ARHGEF28: variants seen among roughly 807,000 people sequenced by gnomAD.
ARHGEF28 encodes the protein Rho guanine nucleotide exchange factor 28, also known as 190 kDa guanine nucleotide exchange factor.
Under a neutral mutation model 206.6 loss-of-function variants are expected in ARHGEF28, and 152 were observed. The ratio of observed to expected loss-of-function variants is 0.74; its 90% CI spans 0.64 to 0.84. The LOEUF is 0.84. ARHGEF28 is among the 40% of genes least tolerant of loss of function. The probability of loss-of-function intolerance (pLI) is 0.00; values close to 1 mark genes in which losing one functional copy is unlikely to be tolerated. For synonymous variants in ARHGEF28, 763 were observed against 776.4 expected (o/e 0.98, Z 0.29); for missense variants, 2,028 against 2,073.2 (o/e 0.98, Z 0.42).
At chr5:73,742,485 A>G (rs1751489768) in intron 2 of ARHGEF28, among the ~76,000 whole-genome samples, 1 of 151,752 alleles carries the variant, frequency 6.6e-6, no homozygotes, top group Non-Finnish European at 1.5e-5. Context: ...TTTGGTGGCT[A>G]CTCTCAAGTC....
intron 1 of ARHGEF28, among the ~76,000 whole-genome samples, chr5:73,630,184 A>G (rs1399020791): frequency 6.6e-6 from 1 of 152,236 alleles, no homozygotes; most frequent in Non-Finnish European, 1.5e-5. Context: ...TGTATATATT[A>G]ATGACATTTA....
chr5:73,848,123 C>T (rs1758477217), intron 12 of ARHGEF28, among the ~76,000 whole-genome samples: 1 of 152,144 alleles, frequency 6.6e-6, no homozygotes, highest in South Asian at 2.1e-4. Flanking sequence ...CTTAAAAATG[C>T]ATGGGCAGGA....
At chr5:73,785,505 T>G (rs923365981) in intron 7 of ARHGEF28, among the ~76,000 whole-genome samples, 1 of 152,172 alleles carries the variant, frequency 6.6e-6, no homozygotes, top group Admixed American at 6.5e-5. Flanking sequence ...TTTTTCAAAC[T>G]GTTCACAGTG....
chr5:73,653,484 C>G (rs764022700), intron 1 of ARHGEF28, among the ~76,000 whole-genome samples: 2 of 152,150 alleles, frequency 1.3e-5, no homozygotes, highest in African/African-American at 4.8e-5. Flanking sequence ...CTCTTAACTT[C>G]GGGATGGAGA....
At chr5:73,652,607 CATGAGGAA>C in intron 1 of ARHGEF28, among the ~76,000 whole-genome samples, 1 of 152,270 alleles carries the variant, frequency 6.6e-6, no homozygotes, top group South Asian at 2.1e-4. Flanking sequence ...TTATGAGTGA[CATGAGGAA>C]AGTGGTTGAA....
intron 9 of ARHGEF28, among the ~76,000 whole-genome samples, chr5:73,827,558 G>C (rs1756988449): frequency 6.6e-6 from 1 of 152,146 alleles, no homozygotes. Context: ...CAAGCACAGA[G>C]AGCTTAAGTA....
intron 2 of ARHGEF28, among the ~76,000 whole-genome samples, chr5:73,742,931 T>A (rs1751525834): frequency 6.6e-6 from 1 of 152,150 alleles, no homozygotes; most frequent in Admixed American, 6.5e-5. Context: ...CACATTGTAG[T>A]TCTACAGATA....
At chr5:73,829,209 C>T (rs1401666212) in intron 9 of ARHGEF28, among the ~76,000 whole-genome samples, 3 of 152,184 alleles carry the variant, frequency 2.0e-5, no homozygotes, top group Non-Finnish European at 4.4e-5. Context: ...GACATTGAAT[C>T]ATAGAGTCAT....
chr5:73,812,963 G>C (rs1400694489), intron 9 of ARHGEF28, among the ~76,000 whole-genome samples: 1 of 152,138 alleles, frequency 6.6e-6, no homozygotes, highest in Non-Finnish European at 1.5e-5. Flanking sequence ...AGCTGTTTTG[G>C]TTCTTAGATC....
At chr5:73,718,037 C>A (rs1749697732) in intron 2 of ARHGEF28, among the ~76,000 whole-genome samples, 1 of 152,092 alleles carries the variant, frequency 6.6e-6, no homozygotes, top group African/African-American at 2.4e-5. Context: ...CACCACCATG[C>A]CCAGCTAATT....
At chr5:73,644,466 C>T (rs114902696) in intron 1 of ARHGEF28, among the ~76,000 whole-genome samples, 28 of 152,312 alleles carry the variant, frequency 1.8e-4, no homozygotes, top group Non-Finnish European at 3.2e-4. Flanking sequence ...GCTGTCAGCA[C>T]GAAGTTTCTA....
chr5:73,920,371 A>G (rs1055706193), intron 35 of ARHGEF28, among the ~76,000 whole-genome samples: 5 of 152,166 alleles, frequency 3.3e-5, no homozygotes, highest in Non-Finnish European at 7.3e-5. Flanking sequence ...TAAATTTATC[A>G]ATGTATAGTA....
At chr5:73,713,839 T>C (rs1462347512) in intron 2 of ARHGEF28, among the ~76,000 whole-genome samples, 1 of 152,216 alleles carries the variant, frequency 6.6e-6, no homozygotes. Flanking sequence ...AAGTATCCTT[T>C]TCTCTTATTT....
At position 73,658,666 on chromosome 5, in the gene ARHGEF28, T is replaced by TA. The variant is rs576564009; in HGVS notation, c.-11-26167dup. Among the ~76,000 whole-genome samples the TA allele has an allele frequency of 3.1e-3, 466 of 152,062 alleles. 4 individuals carry two copies. Among genetic ancestry groups the TA allele is most frequent in the Admixed American group, 6.1e-3 (93 of 15,274 alleles). ...ACTGAAAGCACCACTGTGGTTCTTT[T>TA]AAAAAAAATATTGCAGTTAGGTGTA... On this transcript the variant is annotated intron_variant, in intron 1 of 35. Coordinates refer to ENST00000513042, the MANE Select transcript of ARHGEF28 (RefSeq NM_001177693.2).
intron 16 of ARHGEF28, among the ~76,000 whole-genome samples, chr5:73,859,396 G>A (rs1759250616): frequency 1.3e-5 from 2 of 152,186 alleles, no homozygotes; most frequent in Admixed American, 6.5e-5. Flanking sequence ...AGGAGCAGGG[G>A]AAGTTTACCT....
In ARHGEF28 at chr5:73,909,690, G is replaced by C; in HGVS notation, c.4440G>C (p.Gln1480His). The change falls in exon 34 of 36, where the codon CAG becomes CAC. Residue 1480 changes from glutamine (Q) to histidine (H), a missense_variant. Physicochemically the swap from Gln to His is conservative, Grantham distance 24 (BLOSUM62 0). Transcript: ENST00000513042. Reference sequence around the variant, plus strand: ...TGCAGGAGCGGGAGCGGGAGTGCCAGTCGCAGGAGGAGCTGCTGCTGCGGA... The same window carrying C: ...TGCAGGAGCGGGAGCGGGAGTGCCACTCGCAGGAGGAGCTGCTGCTGCGGA... ...SWLQEREREC[Q>H]SQEELLLRSR... 6.5e-7 allele frequency: 1 copy of C among 1,535,810 alleles called. No homozygotes were observed. Among genetic ancestry groups the C allele is most frequent in the Non-Finnish European group, 8.8e-7 (1 of 1,139,800 alleles).
chr5:73,925,322 G>A (rs1052636418), intron 35 of ARHGEF28, among the ~76,000 whole-genome samples: 4 of 152,072 alleles, frequency 2.6e-5, no homozygotes, highest in East Asian at 3.9e-4. Flanking sequence ...GGAAGGCTAC[G>A]CACCCCCACA....
intron 1 of ARHGEF28, among the ~76,000 whole-genome samples, chr5:73,656,004 A>G (rs921628561): frequency 2.0e-5 from 3 of 152,198 alleles, no homozygotes; most frequent in Admixed American, 1.3e-4. Context: ...TTTGTTTCTA[A>G]GAACCAGTTT....
intron 2 of ARHGEF28, among the ~76,000 whole-genome samples, chr5:73,719,190 G>C (rs939943131): frequency 6.6e-6 from 1 of 152,006 alleles, no homozygotes; most frequent in Non-Finnish European, 1.5e-5. Context: ...TTCATCCCTA[G>C]CATTAATAAG....
Sources: allele counts gnomAD v4.1 joint callset (sites outside exome capture counted in the v4.1 genomes callset), GRCh38; gene constraint gnomAD v4.1.1; transcripts MANE v1.5; gene names NCBI Gene and HGNC (gene_info 2026-07-23, HGNC 2026-07-21).